TPRG1: variants seen among roughly 807,000 people sequenced by gnomAD.
TPRG1 encodes the protein tumor protein p63 regulated 1, also known as tumor protein p63-regulated gene 1 protein.
Under a neutral mutation model 29.3 loss-of-function variants are expected in TPRG1, and 29 were observed. The ratio of observed to expected loss-of-function variants is 0.99; its 90% confidence interval spans 0.74 to 1.35. The LOEUF (loss-of-function observed/expected upper bound fraction) is 1.35, where lower values mean the gene tolerates loss of function less well. Among genes scored for constraint, TPRG1 ranks in the 40% most tolerant of loss-of-function variants. The pLI is 0.00. For missense variants in TPRG1, 327 were observed against 335.0 expected, an observed-to-expected ratio of 0.98 and a Z score of 0.19; for synonymous variants, 130 against 116.8, an observed-to-expected ratio of 1.11 and a Z score of -0.73.
intron 4 of TPRG1, among the ~76,000 whole-genome samples, chr3:189,260,109 A>C (rs1456626556): frequency 6.6e-6 from 1 of 152,148 alleles, no homozygotes; most frequent in Admixed American, 6.5e-5. Flanking sequence ...ACCTGGAGCA[A>C]GTTACTTAAC....
chr3:189,229,059 A>G (rs1382420852), intron 3 of TPRG1, among the ~76,000 whole-genome samples: 1 of 152,216 alleles, frequency 6.6e-6, no homozygotes, highest in Non-Finnish European at 1.5e-5. Flanking sequence ...TACAAATCGC[A>G]CAAACATGTA....
intron 4 of TPRG1, among the ~76,000 whole-genome samples, chr3:189,267,339 A>C (rs1714281646): frequency 6.6e-6 from 1 of 152,210 alleles, no homozygotes; most frequent in Non-Finnish European, 1.5e-5. Flanking sequence ...TTCTTTTGTT[A>C]AGTGATGCAT....
At chr3:189,135,601 G>A (rs1176537420) in intron 3 of TPRG1, among the ~76,000 whole-genome samples, 1 of 151,992 alleles carries the variant, frequency 6.6e-6, no homozygotes, top group Non-Finnish European at 1.5e-5. Flanking sequence ...ATATTTCTCT[G>A]GACTATATGT....
intron 1 of TPRG1, among the ~76,000 whole-genome samples, chr3:189,199,323 C>T (rs1003631341): frequency 3.3e-5 from 5 of 152,168 alleles, no homozygotes; most frequent in Non-Finnish European, 5.9e-5. Context: ...TACAGGCTTC[C>T]ATCTAAAACA....
chr3:189,076,377 A>G (rs1039465937), intron 4 of TPRG1, among the ~76,000 whole-genome samples: 1 of 152,172 alleles, frequency 6.6e-6, no homozygotes, highest in Admixed American at 6.5e-5. Context: ...TATCTTCTAA[A>G]ACATTAAGTG....
At chr3:189,142,227 G>A (rs1724669532) in intron 3 of TPRG1, among the ~76,000 whole-genome samples, 1 of 152,178 alleles carries the variant, frequency 6.6e-6, no homozygotes. Flanking sequence ...AGGTGGTGGT[G>A]AGATGTTCAG....
At chr3:189,312,102 T>C (rs1404641886) in intron 5 of TPRG1, among the ~76,000 whole-genome samples, 1 of 76,794 alleles carries the variant, frequency 1.3e-5, no homozygotes, top group African/African-American at 6.0e-5. Flanking sequence ...TCTTTGTTTC[T>C]TTGTTTCTTT....
intron 4 of TPRG1, among the ~76,000 whole-genome samples, chr3:189,294,616 T>A (rs972263331): frequency 6.6e-6 from 1 of 152,158 alleles, no homozygotes; most frequent in Non-Finnish European, 1.5e-5. Flanking sequence ...AATACACAGG[T>A]CTTGTTTCAA....
chr3:189,171,403 T>C (rs1043462458), upstream of TPRG1, among the ~76,000 whole-genome samples: 1 of 152,262 alleles, frequency 6.6e-6, no homozygotes, highest in Non-Finnish European at 1.5e-5. Context: ...ACCTACTATC[T>C]GCTGGGTGTT....
intron 2 of TPRG1, among the ~76,000 whole-genome samples, chr3:189,001,547 T>C (rs1036712116): frequency 6.6e-6 from 1 of 152,150 alleles, no homozygotes; most frequent in African/African-American, 2.4e-5. Flanking sequence ...ACTAATTCCA[T>C]TAATGAGGGC....
intron 2 of TPRG1, among the ~76,000 whole-genome samples, chr3:189,208,074 A>T (rs556318442): frequency 3.9e-4 from 60 of 152,330 alleles, no homozygotes; most frequent in African/African-American, 1.4e-3. Context: ...TAAATCTCAA[A>T]CCTACAGCGA....
At position 189,145,427 on chromosome 3, in the gene TPRG1, G is replaced by A. The variant is rs118186740; in HGVS notation, c.-290-2157G>A. On this transcript the variant is annotated intron_variant, in intron 3 of 6. Coordinates refer to the TPRG1 transcript ENST00000412373. ...CCATAGACTAACACAAAGAGATGGC[G>A]TAATATAGTAAGGAGAAAGAGTTCT... Among the ~76,000 whole-genome samples, 108 of 150,988 alleles carry A rather than the reference G, an allele frequency of 7.2e-4. No individual in the cohort carries two copies. The East Asian group carries it at 0.016, about 22-fold the overall frequency.
At chr3:189,115,827 T>A (rs899442223) in intron 1 of TPRG1, among the ~76,000 whole-genome samples, 2 of 152,216 alleles carry the variant, frequency 1.3e-5, no homozygotes, top group Non-Finnish European at 2.9e-5. Context: ...TCTCTCTTTT[T>A]CTCTGTGAGA....
chr3:189,061,851 G>A (rs1392205548), intron 4 of TPRG1, among the ~76,000 whole-genome samples: 2 of 152,118 alleles, frequency 1.3e-5, no homozygotes, highest in East Asian at 3.9e-4. Context: ...GTGTAAATTA[G>A]TTCAATCATT....
rs369009449 is a variant in TPRG1, at chr3:189,058,350, C to T, written c.-463+34404C>T. ...ATCAATAGATTATTTTCTTTGTACTCAGGAGTGTAACGTCGGTACACAGAA... is the reference window on the plus strand; with the variant it reads ...ATCAATAGATTATTTTCTTTGTACTTAGGAGTGTAACGTCGGTACACAGAA... On this transcript the variant is annotated intron_variant, in intron 4 of 10. Coordinates refer to the TPRG1 transcript ENST00000433971. Among the ~76,000 whole-genome samples, 63 of 152,290 alleles carry T rather than the reference C, an allele frequency of 4.1e-4. 2 individuals are homozygous for T. In the South Asian group the frequency reaches 0.012, roughly 30 times the overall value.
intron 4 of TPRG1, among the ~76,000 whole-genome samples, chr3:189,086,057 C>T (rs1301282443): frequency 6.6e-6 from 1 of 152,092 alleles, no homozygotes; most frequent in Admixed American, 6.5e-5. Context: ...GTCTGAGTCC[C>T]AAAACCTCAA....
At chr3:188,999,871 A>G (rs1310573856) in intron 1 of TPRG1, among the ~76,000 whole-genome samples, 1 of 152,078 alleles carries the variant, frequency 6.6e-6, no homozygotes, top group African/African-American at 2.4e-5. Context: ...TTCCATTATT[A>G]TGATTATTTA....
intron 4 of TPRG1, among the ~76,000 whole-genome samples, chr3:189,076,743 G>A (rs923297514): frequency 6.6e-6 from 1 of 151,906 alleles, no homozygotes; most frequent in Non-Finnish European, 1.5e-5. Flanking sequence ...TAATTTCCAG[G>A]AAGATACTAA....
chr3:189,304,902 C>T (rs1254561884), intron 4 of TPRG1, among the ~76,000 whole-genome samples: 3 of 152,130 alleles, frequency 2.0e-5, no homozygotes, highest in Admixed American at 6.5e-5. Context: ...CTCACAGCCT[C>T]CCTCTGTTTG....
Sources: gnomAD v4.1 joint callset for allele counts (sites outside exome capture counted in the v4.1 genomes callset) on GRCh38, gnomAD v4.1.1 for gene constraint, MANE v1.5 for transcripts, NCBI Gene and HGNC (gene_info 2026-07-23, HGNC 2026-07-21) for gene names.